Variants in SPIDR observed in about 807,000 individuals in gnomAD.
SPIDR encodes the protein scaffold protein involved in DNA repair.
In SPIDR, 93 loss-of-function variants were observed where a neutral mutation model predicts 104.6. The observed-to-expected ratio is 0.89, with a 90% CI of 0.75 to 1.06. The LOEUF (loss-of-function observed/expected upper bound fraction) is 1.06, where lower values mean the gene tolerates loss of function less well. SPIDR is among the 50% of genes least tolerant of loss of function. SPIDR has a pLI of 0.00. For synonymous variants in SPIDR, 431 were observed against 416.9 expected, an observed-to-expected ratio of 1.03 and a Z score of -0.41; for missense variants, 1,154 against 1,111.2, an observed-to-expected ratio of 1.04 and a Z score of -0.55.
At chr8:47,302,833 A>G (rs918491309) in intron 5 of SPIDR, among the ~76,000 whole-genome samples, 5 of 152,182 alleles carry the variant, frequency 3.3e-5, no homozygotes, top group Non-Finnish European at 2.9e-5. Context: ...GTACCTGGCC[A>G]TGTGAGGTGT....
At position 47,326,320 on chromosome 8, in the gene SPIDR, T is replaced by C. The variant is rs116706323; in HGVS notation, c.525+32290T>C. On this transcript the variant is annotated intron_variant, in intron 5 of 19. Transcript: ENST00000297423. Reference sequence around the variant, plus strand: ...ATGAGCCACCACACCTAATTTCTTTTATGTAATAATGGAAAATGCAACTCT... The same window carrying C: ...ATGAGCCACCACACCTAATTTCTTTCATGTAATAATGGAAAATGCAACTCT... 2.1e-3 allele frequency among the ~76,000 whole-genome samples: 327 copies of C among 152,346 alleles called. 1 individual carries two copies. The highest frequency in any genetic ancestry group is 7.7e-3 in the African/African-American group (320 of 41,580).
chr8:47,484,894 G>A (rs1166630595), intron 8 of SPIDR, among the ~76,000 whole-genome samples: 1 of 152,202 alleles, frequency 6.6e-6, no homozygotes, highest in Non-Finnish European at 1.5e-5. Flanking sequence ...AATAGGAACA[G>A]CTCCAGTCTA....
At chr8:47,383,625 A>G (rs1160420533) in intron 5 of SPIDR, among the ~76,000 whole-genome samples, 2 of 152,208 alleles carry the variant, frequency 1.3e-5, no homozygotes, top group African/African-American at 2.4e-5. Flanking sequence ...CAAGTTCATC[A>G]TCATTCTAAG....
chr8:47,463,746 G>A (rs1586140181), intron 8 of SPIDR, among the ~76,000 whole-genome samples: 1 of 152,154 alleles, frequency 6.6e-6, no homozygotes, highest in East Asian at 1.9e-4. Context: ...CACATTAATG[G>A]AGTGAAGGAG....
chr8:47,728,764 A>G, intron 17 of SPIDR, 169 bp from the exon 18 acceptor site: 1 of 666,732 alleles, frequency 1.5e-6, no homozygotes, highest in Non-Finnish European at 2.5e-6. Flanking sequence ...CATCCCTTGG[A>G]CAGGCTGAGT....
At chr8:47,604,286 T>A (rs914792603) in intron 10 of SPIDR, among the ~76,000 whole-genome samples, 3 of 152,148 alleles carry the variant, frequency 2.0e-5, no homozygotes, top group African/African-American at 7.2e-5. Context: ...TTTGAAAAGC[T>A]CTTGGACAGG....
chr8:47,504,133 G>T lies in SPIDR; in HGVS notation c.1097+63591G>T, dbSNP rs574626074. On this transcript the variant is annotated intron_variant, in intron 8 of 19. Coordinates refer to ENST00000297423, the MANE Select transcript of SPIDR (RefSeq NM_001080394.4). ...GTGTCTTGGAGTTGCTCTTCTCGAGGAGTGTCTTTGTGGCGTTCTCTGTAT... is the reference window on the plus strand; with the variant it reads ...GTGTCTTGGAGTTGCTCTTCTCGAGTAGTGTCTTTGTGGCGTTCTCTGTAT... 7.9e-5 allele frequency among the ~76,000 whole-genome samples: 12 copies of T among 152,276 alleles called. No individual in the cohort carries two copies. In the East Asian group the frequency reaches 2.1e-3, roughly 27 times the overall value.
chr8:47,363,647 C>T (rs903042146), intron 5 of SPIDR, among the ~76,000 whole-genome samples: 2 of 151,846 alleles, frequency 1.3e-5, no homozygotes, highest in Non-Finnish European at 2.9e-5. Context: ...TGTTTGGAAC[C>T]GTAGTGAACA....
At chr8:47,348,308 G>GA in intron 5 of SPIDR, among the ~76,000 whole-genome samples, 1 of 152,252 alleles carries the variant, frequency 6.6e-6, no homozygotes, top group East Asian at 1.9e-4. Context: ...AGTGTCTGCC[G>GA]AGATATCCTC....
At chr8:47,483,983 TAA>T (rs552813536) in intron 8 of SPIDR, among the ~76,000 whole-genome samples, 1 of 146,284 alleles carries the variant, frequency 6.8e-6, no homozygotes, top group Non-Finnish European at 1.5e-5. Flanking sequence ...AGCTTCGTGT[TAA>T]AAAAAAAAAA....
At chr8:47,353,412 A>G (rs989646159) in intron 5 of SPIDR, among the ~76,000 whole-genome samples, 4 of 152,286 alleles carry the variant, frequency 2.6e-5, no homozygotes, top group Admixed American at 6.5e-5. Context: ...AAGTGAGTCA[A>G]CACATTGTTT....
At chr8:47,335,853 A>G (rs2049613487) in intron 5 of SPIDR, among the ~76,000 whole-genome samples, 1 of 151,892 alleles carries the variant, frequency 6.6e-6, no homozygotes, top group Non-Finnish European at 1.5e-5. Context: ...CACCCCCTTC[A>G]ACTTCCTTCA....
At chr8:47,472,722 AAG>A (rs1247373879) in intron 8 of SPIDR, among the ~76,000 whole-genome samples, 5 of 152,320 alleles carry the variant, frequency 3.3e-5, no homozygotes, top group Middle Eastern at 3.4e-3. Context: ...GCAACAACCC[AAG>A]TAATTACCTG....
chr8:47,638,440 G>C (rs959092318), intron 10 of SPIDR, among the ~76,000 whole-genome samples: 2 of 152,090 alleles, frequency 1.3e-5, no homozygotes, highest in Admixed American at 1.3e-4. Context: ...CACCATACCC[G>C]GCCCAAATGC....
chr8:47,476,816 G>A (rs767305813), intron 8 of SPIDR, among the ~76,000 whole-genome samples: 2 of 152,160 alleles, frequency 1.3e-5, no homozygotes, highest in East Asian at 1.9e-4. Flanking sequence ...TAGGAGACTC[G>A]GTCAACACCA....
chr8:47,713,199 A>T, intron 15 of SPIDR: 1 of 626,814 alleles, frequency 1.6e-6, no homozygotes, highest in South Asian at 2.7e-5. Context: ...TTTTCCAGGG[A>T]TCAAACTAAA....
intron 10 of SPIDR, among the ~76,000 whole-genome samples, chr8:47,644,514 G>A (rs1446387265): frequency 6.6e-6 from 1 of 152,188 alleles, no homozygotes; most frequent in South Asian, 2.1e-4. Context: ...AAACAGACAA[G>A]GGGCCGGCTC....
At chr8:47,431,536 GC>G (rs1368025218) in intron 7 of SPIDR, among the ~76,000 whole-genome samples, 1 of 152,190 alleles carries the variant, frequency 6.6e-6, no homozygotes, top group Non-Finnish European at 1.5e-5. Flanking sequence ...ACAGCGACAT[GC>G]CTAGTGGGAG....
intron 5 of SPIDR, among the ~76,000 whole-genome samples, chr8:47,307,891 T>C (rs1008687604): frequency 6.6e-6 from 1 of 152,160 alleles, no homozygotes; most frequent in Admixed American, 6.5e-5. Flanking sequence ...CTCTGGAAGG[T>C]CTGCCATCAG....
Sources: gnomAD v4.1 joint callset for allele counts (sites outside exome capture counted in the v4.1 genomes callset) on GRCh38, gnomAD v4.1.1 for gene constraint, MANE v1.5 for transcripts, NCBI Gene and HGNC (gene_info 2026-07-23, HGNC 2026-07-21) for gene names.